Variants in NCOA1 observed in about 807,000 individuals in gnomAD.
NCOA1 encodes the protein nuclear receptor coactivator 1, also known as Hin-2 protein.
Under a neutral mutation model 150.9 loss-of-function variants are expected in NCOA1, and 35 were observed. The observed-to-expected ratio is 0.23, with a 90% CI of 0.18 to 0.31. The LOEUF is 0.31. Ranked by LOEUF, NCOA1 falls within the 10% of genes least tolerant of loss-of-function variation. NCOA1 has a pLI of 1.00. For missense variants in NCOA1, 1,491 were observed against 1,749.3 expected (o/e 0.85, Z 2.63); for synonymous variants, 590 against 630.0 (o/e 0.94, Z 0.95).
intron 19 of NCOA1, among the ~76,000 whole-genome samples, chr2:24,746,280 C>T (rs1014441196): frequency 1.3e-5 from 2 of 152,198 alleles, no homozygotes; most frequent in Admixed American, 6.5e-5. Context: ...CGGTGGCTCA[C>T]GCCTGTAATG....
In NCOA1 at chr2:24,768,660, T is replaced by C. The variant is rs1300363592; in HGVS notation, c.*269T>C. On this transcript the variant is annotated 3_prime_UTR_variant, in exon 23 of 23. Coordinates refer to ENST00000348332, the MANE Select transcript of NCOA1 (RefSeq NM_003743.5). ...GACAATCTATTTCTTGAGCCAAATT[T>C]AATTATTCTTATTTTTGTAATCAGT... The C allele has an allele frequency of 3.8e-6, 1 of 266,650 alleles. No individual in the cohort carries two copies. The highest frequency in any genetic ancestry group is 2.2e-5 in the African/African-American group (1 of 46,048). 16.5% of individuals were successfully genotyped at this position (266,650 alleles called of 1,614,324 possible).
At chr2:24,530,456 G>A (rs1429319690) in intron 1 of NCOA1, among the ~76,000 whole-genome samples, 1 of 152,160 alleles carries the variant, frequency 6.6e-6, no homozygotes, top group African/African-American at 2.4e-5. Flanking sequence ...CTGTGTTTCA[G>A]ATTTTTGGCT....
intron 3 of NCOA1, among the ~76,000 whole-genome samples, chr2:24,602,830 A>T (rs983904483): frequency 8.5e-5 from 13 of 152,188 alleles, no homozygotes; most frequent in African/African-American, 3.1e-4. Flanking sequence ...AATTTTACCA[A>T]TACTGTGGAA....
intron 8 of NCOA1, among the ~76,000 whole-genome samples, chr2:24,689,549 C>T (rs1220440001): frequency 2.0e-5 from 3 of 152,116 alleles, no homozygotes; most frequent in African/African-American, 4.8e-5. Flanking sequence ...CCCGCCACCA[C>T]ACCTGGCTAA....
At chr2:24,535,852 G>T (rs11902506) in intron 1 of NCOA1, among the ~76,000 whole-genome samples, 2 of 151,870 alleles carry the variant, frequency 1.3e-5, no homozygotes, top group South Asian at 2.1e-4. Flanking sequence ...TTTGTGGGTA[G>T]CCCGACCTTT....
At chr2:24,686,907 G>C (rs191092459) in intron 8 of NCOA1, among the ~76,000 whole-genome samples, 1 of 151,820 alleles carries the variant, frequency 6.6e-6, no homozygotes, top group East Asian at 1.9e-4. Flanking sequence ...AATGACTTTA[G>C]TTTCTTTAGT....
rs6729469 is a variant in NCOA1 at position 24,615,477 on chromosome 2, C to G, written c.-174-28489C>G. 3.0e-3 allele frequency among the ~76,000 whole-genome samples: 460 copies of G among 152,232 alleles called. 2 individuals are homozygous for G. Among genetic ancestry groups the G allele is most frequent in the African/African-American group, 0.011 (442 of 41,554 alleles). The stretch of plus-strand genomic sequence containing the variant: ...TGGTTAGTATCAGAACTTAAGGAAT[C>G]CTCTAAGAAGTTATGTTGGCTTCTC... On this transcript the variant is annotated intron_variant, in intron 3 of 22. Coordinates refer to ENST00000348332, the MANE Select transcript of NCOA1 (RefSeq NM_003743.5).
At position 24,756,898 on chromosome 2, in the gene NCOA1, G is replaced by A. The variant is rs1664530142; in HGVS notation, c.3882-1075G>A. ...AGTCCAGAACTTGGCCATGAAGAAG[G>A]AAGTCAGTAAAACAGGCTCTCTGAA... On this transcript the variant is annotated intron_variant, in intron 20 of 22. Transcript: ENST00000348332. Among the ~76,000 whole-genome samples, 6 of 152,104 alleles carry A rather than the reference G, an allele frequency of 3.9e-5. No homozygotes were observed. The South Asian group carries it at 1.2e-3, about 31-fold the overall frequency.
chr2:24,628,530 C>G (rs963047790), intron 3 of NCOA1, among the ~76,000 whole-genome samples: 3 of 151,852 alleles, frequency 2.0e-5, no homozygotes, highest in Non-Finnish European at 4.4e-5. Context: ...TTAAAAATAC[C>G]TACACGGAGC....
intron 10 of NCOA1, 86 bp downstream of exon 10, chr2:24,693,433 T>G: frequency 8.4e-7 from 1 of 1,194,730 alleles, no homozygotes; most frequent in Non-Finnish European, 1.2e-6. Flanking sequence ...AATGTCTTTC[T>G]GTTCTATGAG....
At chr2:24,558,158 T>C (rs772165688) in intron 1 of NCOA1, among the ~76,000 whole-genome samples, 25 of 152,112 alleles carry the variant, frequency 1.6e-4, no homozygotes, top group Middle Eastern at 3.2e-3. Flanking sequence ...CCCCACTCTT[T>C]TTAACTTTGG....
chr2:24,733,044 G>A (rs1249743658), intron 17 of NCOA1, among the ~76,000 whole-genome samples: 1 of 152,150 alleles, frequency 6.6e-6, no homozygotes, highest in East Asian at 1.9e-4. Flanking sequence ...AATACTCCTG[G>A]ATTACCCCTG....
At chr2:24,586,070 T>G (rs1230155191) in intron 3 of NCOA1, among the ~76,000 whole-genome samples, 1 of 151,112 alleles carries the variant, frequency 6.6e-6, no homozygotes, top group Non-Finnish European at 1.5e-5. Context: ...AGCTCAGGAG[T>G]TGGAGACCAG....
intron 14 of NCOA1, among the ~76,000 whole-genome samples, chr2:24,711,801 T>A (rs1673761874): frequency 6.6e-6 from 1 of 152,226 alleles, no homozygotes; most frequent in African/African-American, 2.4e-5. Context: ...CTGTCAGATT[T>A]TTTTGCCCAT....
chr2:24,557,492 CCTCCTCCTCCTG>C (rs1371986649), intron 1 of NCOA1, among the ~76,000 whole-genome samples: 2 of 151,758 alleles, frequency 1.3e-5, no homozygotes, highest in African/African-American at 4.8e-5. Flanking sequence ...ACCCCCTCCC[CCTCCTCCTCCTG>C]CTCCTCCTCC....
At chr2:24,652,588 T>C (rs868261920) in intron 4 of NCOA1, among the ~76,000 whole-genome samples, 3 of 152,270 alleles carry the variant, frequency 2.0e-5, no homozygotes, top group Non-Finnish European at 1.5e-5. Context: ...GAATGACAGA[T>C]TTCTTATGTA....
At chr2:24,546,867 C>T (rs1665625146) in intron 1 of NCOA1, among the ~76,000 whole-genome samples, 1 of 152,186 alleles carries the variant, frequency 6.6e-6, no homozygotes, top group Non-Finnish European at 1.5e-5. Flanking sequence ...ATTGTGGTGT[C>T]AGAGTAGTTG....
chr2:24,646,282 C>T (rs6733197), intron 4 of NCOA1, among the ~76,000 whole-genome samples: 5,464 of 152,204 alleles, frequency 0.036, 128 homozygotes, highest in East Asian at 0.11. Context: ...TCCTTTTCCC[C>T]TTCCCCCTCT....
chr2:24,748,333 C>T (rs191479134), intron 19 of NCOA1, among the ~76,000 whole-genome samples: 68 of 149,256 alleles, frequency 4.6e-4, no homozygotes, highest in Non-Finnish European at 6.3e-4. Context: ...CCTATAAGGC[C>T]GGGCGTGGTG....
Sources: allele counts gnomAD v4.1 joint callset (sites outside exome capture counted in the v4.1 genomes callset), GRCh38; gene constraint gnomAD v4.1.1; transcripts MANE v1.5; gene names NCBI Gene and HGNC (gene_info 2026-07-23, HGNC 2026-07-21).